C8orf89: variants seen among roughly 807,000 people sequenced by gnomAD.
C8orf89 encodes the protein putative uncharacterized protein C8orf89.
C8orf89 carries 14 observed loss-of-function variants against 15.8 expected under a neutral mutation model. That is an observed-to-expected ratio of 0.89 (90% CI 0.59 to 1.39). The LOEUF is 1.39. C8orf89 is among the 40% of genes most tolerant of loss of function. The pLI, the probability that C8orf89 is intolerant of heterozygous loss-of-function variation, is 0.00. For missense variants in C8orf89, 181 were observed against 184.5 expected (o/e 0.98, Z 0.11); for synonymous variants, 55 against 62.2 (o/e 0.88, Z 0.54).
chr8:73,256,961 G>T lies in C8orf89; in HGVS notation c.281+12C>A. On this transcript the variant is annotated intron_variant, in intron 2 of 3. Coordinates refer to ENST00000624510, the MANE Select transcript of C8orf89 (RefSeq NM_001243237.3). ...ACATTCAACAAATGAGAATTAAATA[G>T]CAATGATCTACCTGACTGCAGACAC... 1 of 1,524,910 alleles carries T rather than the reference G, an allele frequency of 6.6e-7. No individual in the cohort carries two copies. Among genetic ancestry groups the T allele is most frequent in the Non-Finnish European group, 8.8e-7 (1 of 1,141,654 alleles). 94.5% of individuals were successfully genotyped at this position (1,524,910 alleles called of 1,614,324 possible).
At chr8:73,271,604 A>T in the C8orf89 span, among the ~76,000 whole-genome samples, 1 of 152,204 alleles carries the variant, frequency 6.6e-6, no homozygotes, top group East Asian at 1.9e-4. Flanking sequence ...AGTGAAATAA[A>T]CCACTTTCCT....
chr8:73,284,290 T>C, the C8orf89 span, among the ~76,000 whole-genome samples: 1 of 136,086 alleles, frequency 7.3e-6, no homozygotes, highest in Non-Finnish European at 1.5e-5. Context: ...CTTGGCTCAC[T>C]GCAACCTCCG....
At chr8:73,247,705 T>A (rs550438558) in intron 3 of C8orf89, among the ~76,000 whole-genome samples, 1 of 152,198 alleles carries the variant, frequency 6.6e-6, no homozygotes, top group Non-Finnish European at 1.5e-5. Context: ...GATGTTGAGC[T>A]TTTTTTTCAT....
upstream of C8orf89, among the ~76,000 whole-genome samples, chr8:73,261,021 T>A (rs1348023934): frequency 1.3e-5 from 2 of 152,112 alleles, no homozygotes; most frequent in Non-Finnish European, 2.9e-5. Flanking sequence ...GACTCCAAGT[T>A]CTTCAGATTT....
Position 73,241,511 on chromosome 8 carries a change from C to T in C8orf89, c.432G>A (p.Gln144=), listed in dbSNP as rs1477916513. 1.3e-6 allele frequency: 2 copies of T among 1,531,902 alleles called. No individual in the cohort carries two copies. The highest frequency in any genetic ancestry group is 4.9e-5 in the East Asian group (2 of 40,858). 94.9% of individuals were successfully genotyped at this position (1,531,902 alleles called of 1,614,324 possible). A position where few individuals can be genotyped will look rare whatever the true frequency, so the allele number is the denominator to read the frequency against. ...TTTTTTTTGATTTTGTGGTTGTTTC[C>T]TGACGAATGGTATCATATTCCAATA... ...IAILEYDTIR[Q]ETTTKSKKSK... The change falls in exon 4 of 4, where the codon CAG becomes CAA. Residue 144 remains glutamine, a synonymous_variant. Transcript: ENST00000624510.
intron 3 of C8orf89, among the ~76,000 whole-genome samples, chr8:73,247,920 G>T (rs546861720): frequency 1.3e-5 from 2 of 152,210 alleles, no homozygotes; most frequent in East Asian, 1.9e-4. Context: ...AGTTTATTTT[G>T]CTATGCAGAA....
At chr8:73,274,176 T>C in the C8orf89 span, among the ~76,000 whole-genome samples, 1 of 151,976 alleles carries the variant, frequency 6.6e-6, no homozygotes, top group Non-Finnish European at 1.5e-5. Context: ...TTTTTTGAGA[T>C]GGAATCTTGC....
At chr8:73,253,673 T>G (rs1474041273) in intron 2 of C8orf89, among the ~76,000 whole-genome samples, 3 of 151,696 alleles carry the variant, frequency 2.0e-5, no homozygotes, top group Admixed American at 6.5e-5. Context: ...GTTGGATTCC[T>G]AGGTATTTTA....
chr8:73,269,219 C>T, the C8orf89 span, among the ~76,000 whole-genome samples: 1 of 152,136 alleles, frequency 6.6e-6, no homozygotes, highest in Non-Finnish European at 1.5e-5. Flanking sequence ...CATGTCATTC[C>T]CTCCCTTTAT....
At chr8:73,241,841 T>C (rs1056179571) in intron 3 of C8orf89, among the ~76,000 whole-genome samples, 1 of 152,170 alleles carries the variant, frequency 6.6e-6, no homozygotes, top group Non-Finnish European at 1.5e-5. Context: ...AGTGGATTCA[T>C]TTTTAACAAA....
chr8:73,268,145 G>T, the C8orf89 span, among the ~76,000 whole-genome samples: 1 of 152,138 alleles, frequency 6.6e-6, no homozygotes. Context: ...TCAATCATCC[G>T]TATAGGGGGT....
chr8:73,256,130 A>AAATAAT (rs71268002), intron 2 of C8orf89, among the ~76,000 whole-genome samples: 3,142 of 147,962 alleles, frequency 0.021, 77 homozygotes, highest in African/African-American at 0.06. Context: ...AATAAATAAC[A>AAATAAT]AATAATAATA....
intron 2 of C8orf89, among the ~76,000 whole-genome samples, chr8:73,251,952 C>T (rs2130265512): frequency 6.6e-6 from 1 of 152,272 alleles, no homozygotes; most frequent in East Asian, 1.9e-4. Flanking sequence ...GTCTTGGTTA[C>T]GATGTAACTG....
the C8orf89 span, among the ~76,000 whole-genome samples, chr8:73,282,308 T>G: frequency 2.0e-5 from 3 of 152,212 alleles, no homozygotes; most frequent in African/African-American, 7.2e-5. Flanking sequence ...GTGTATAAAT[T>G]AAATCCTTAG....
At chr8:73,277,417 A>T in the C8orf89 span, 2 of 1,195,988 alleles carry the variant, frequency 1.7e-6, no homozygotes, top group Non-Finnish European at 2.4e-6. Flanking sequence ...CTCCAGAACC[A>T]GACAAAGTAG....
chr8:73,263,793 A>G (rs1359262893), upstream of C8orf89, among the ~76,000 whole-genome samples: 1 of 152,174 alleles, frequency 6.6e-6, no homozygotes, highest in East Asian at 1.9e-4. Flanking sequence ...TTTCAGATAA[A>G]GTACAATAAA....
At chr8:73,250,910 T>G (rs1186213744) in intron 2 of C8orf89, among the ~76,000 whole-genome samples, 1 of 151,982 alleles carries the variant, frequency 6.6e-6, no homozygotes, top group Non-Finnish European at 1.5e-5. Context: ...GCAATTTTCC[T>G]GCGTCAGCTT....
chr8:73,275,893 C>G, the C8orf89 span, among the ~76,000 whole-genome samples: 2 of 152,008 alleles, frequency 1.3e-5, no homozygotes, highest in African/African-American at 2.4e-5. Flanking sequence ...TACTCTAAGA[C>G]AAAAAGATAA....
the C8orf89 span, among the ~76,000 whole-genome samples, chr8:73,270,012 T>G: frequency 1.3e-5 from 2 of 152,232 alleles, no homozygotes. Context: ...AGTATGTTAA[T>G]GGGGAAAGTT....
Sources: allele counts gnomAD v4.1 joint callset (sites outside exome capture counted in the v4.1 genomes callset), GRCh38; gene constraint gnomAD v4.1.1; transcripts MANE v1.5; gene names NCBI Gene and HGNC (gene_info 2026-07-23, HGNC 2026-07-21).